The following DCAF1 variants were observed in gnomAD, a reference collection of about 807,000 sequenced individuals.
DCAF1 encodes the protein DDB1 and CUL4 associated factor 1.
In DCAF1, 15 loss-of-function variants were observed where a neutral mutation model predicts 128.0. The observed-to-expected ratio is 0.12, with a 90% confidence interval of 0.08 to 0.18. The LOEUF is 0.18. Ranked by LOEUF, DCAF1 falls within the 10% of genes least tolerant of loss-of-function variation. The probability of loss-of-function intolerance (pLI) is 1.00; values close to 1 mark genes in which losing one functional copy is unlikely to be tolerated. For synonymous variants in DCAF1, 610 were observed against 603.0 expected, an observed-to-expected ratio of 1.01 and a Z score of -0.17; for missense variants, 988 against 1,649.5, an observed-to-expected ratio of 0.60 and a Z score of 6.95.
the DCAF1 span, among the ~76,000 whole-genome samples, chr3:51,505,413 G>A: frequency 2.6e-5 from 4 of 152,186 alleles, no homozygotes; most frequent in East Asian, 1.9e-4. Context: ...TACCATGGGC[G>A]TATCCCTCTT....
intron 2 of DCAF1, among the ~76,000 whole-genome samples, chr3:51,494,180 T>C (rs552620614): frequency 4.1e-5 from 6 of 146,284 alleles, no homozygotes; most frequent in African/African-American, 1.5e-4. Flanking sequence ...AGTGGCAGGA[T>C]CTCGGCTCAC....
At chr3:51,475,440 T>C (rs1577270054) in intron 3 of DCAF1, among the ~76,000 whole-genome samples, 1 of 151,918 alleles carries the variant, frequency 6.6e-6, no homozygotes, top group Non-Finnish European at 1.5e-5. Context: ...CCCCCATCTC[T>C]ACTAAAAATT....
intron 6 of DCAF1, among the ~76,000 whole-genome samples, chr3:51,453,602 A>C (rs1195319562): frequency 6.6e-6 from 1 of 152,084 alleles, no homozygotes; most frequent in South Asian, 2.1e-4. Flanking sequence ...CTGTCTCGAA[A>C]GAAAAAAAAA....
At chr3:51,464,818 T>A (rs1322263270) in intron 5 of DCAF1, among the ~76,000 whole-genome samples, 1 of 151,716 alleles carries the variant, frequency 6.6e-6, no homozygotes, top group East Asian at 1.9e-4. Context: ...AGAGAAGAAG[T>A]GATTCCAAGC....
chr3:51,496,578 C>T (rs1708258409), intron 2 of DCAF1, among the ~76,000 whole-genome samples, 156 bp downstream of exon 2: 1 of 151,664 alleles, frequency 6.6e-6, no homozygotes, highest in Non-Finnish European at 1.5e-5. Flanking sequence ...AGACATTGAG[C>T]TAAGTAATTT....
rs1699220788 is a variant in DCAF1 at position 51,419,641 on chromosome 3, G to A, written c.3236+93C>T. ...GTATTACACAAAGTAACAATCAGTG[G>A]TATTTCAGGACAACTATGCTGATAC... On this transcript the variant is annotated intron_variant, in intron 15 of 24. Transcript: ENST00000684031. 2.0e-6 allele frequency: 3 copies of A among 1,506,036 alleles called. No individual in the cohort carries two copies. The African/African-American group carries it at 4.2e-5, about 21-fold the overall frequency. The allele number at this position is 1,506,036 out of a possible 1,614,324, so 93.3% of individuals were successfully genotyped here.
At chr3:51,465,486 G>A (rs909186285) in intron 5 of DCAF1, among the ~76,000 whole-genome samples, 7 of 152,160 alleles carry the variant, frequency 4.6e-5, no homozygotes, top group African/African-American at 9.7e-5. Flanking sequence ...GCTCATGCCC[G>A]TAAACCCAGT....
intron 6 of DCAF1, among the ~76,000 whole-genome samples, chr3:51,459,377 C>T (rs1212700080): frequency 1.3e-4 from 20 of 152,238 alleles, no homozygotes; most frequent in African/African-American, 4.8e-4. Context: ...AATCTCTGAA[C>T]AGACCAATAA....
At chr3:51,505,347 G>T in the DCAF1 span, among the ~76,000 whole-genome samples, 1 of 152,052 alleles carries the variant, frequency 6.6e-6, no homozygotes, top group African/African-American at 2.4e-5. Context: ...TGGCTTTGTT[G>T]AATGGAACAA....
Position 51,403,372 on chromosome 3 carries a change from T to C in DCAF1, c.4236A>G (p.Glu1412=). 6.4e-7 allele frequency: 1 copy of C among 1,552,652 alleles called. No homozygotes were observed. Among genetic ancestry groups the C allele is most frequent in the Non-Finnish European group, 8.7e-7 (1 of 1,147,370 alleles). ...EDQEEEEQEE[E]DDDEDDDDTD... is the part of the protein sequence containing the mutation. ...TGTCATCATCATCTTCATCATCATC[T>C]TCTTCCTCCTGTTCTTCCTCTTCCT... The change falls in exon 24 of 25, where the codon GAA becomes GAG. Residue 1412 remains glutamate, a synonymous_variant. Coordinates refer to ENST00000684031, the MANE Select transcript of DCAF1 (RefSeq NM_001387579.1).
chr3:51,490,329 G>A (rs1707483958), intron 2 of DCAF1, among the ~76,000 whole-genome samples: 1 of 152,088 alleles, frequency 6.6e-6, no homozygotes, highest in Non-Finnish European at 1.5e-5. Context: ...TACTCGGTAG[G>A]CTGAGGTGGG....
chr3:51,398,694 G>A lies in DCAF1; in HGVS notation c.*75C>T, dbSNP rs2089405720. On this transcript the variant is annotated 3_prime_UTR_variant, in exon 25 of 25. Transcript: ENST00000684031. ...AAGACAGACAGCCCTGGGAGAAAGA[G>A]AAGGGAATATGTTCTGAATTCATTT... 1.3e-6 allele frequency: 2 copies of A among 1,531,944 alleles called. No homozygotes were observed. Among genetic ancestry groups the A allele is most frequent in the Non-Finnish European group, 1.8e-6 (2 of 1,135,720 alleles). The allele number at this position is 1,531,944 out of a possible 1,614,324, so 94.9% of individuals were successfully genotyped here. A position where few individuals can be genotyped will look rare whatever the true frequency, so the allele number is the denominator to read the frequency against.
chr3:51,398,880 C>T, intron 24 of DCAF1, 53 bp from the exon 25 acceptor site: 1 of 1,551,318 alleles, frequency 6.4e-7, no homozygotes. Flanking sequence ...TTATAGGAAG[C>T]TTTCCTACAG....
intron 7 of DCAF1, among the ~76,000 whole-genome samples, chr3:51,442,230 T>C (rs1553639013): frequency 1.3e-5 from 2 of 152,206 alleles, no homozygotes; most frequent in Admixed American, 6.6e-5. Context: ...ATTTTTCTAA[T>C]GTGTCTTTGA....
At position 51,423,492 on chromosome 3, in the gene DCAF1, ACT is replaced by A. The variant is rs1242258049; in HGVS notation, c.1848-1063_1848-1062del. 8.9e-5 allele frequency among the ~76,000 whole-genome samples: 13 copies of A among 146,574 alleles called. 1 individual carries two copies. The highest frequency in any genetic ancestry group is 6.5e-4 in the South Asian group (3 of 4,630). On this transcript the variant is annotated intron_variant, in intron 13 of 24. Coordinates refer to ENST00000684031, the MANE Select transcript of DCAF1 (RefSeq NM_001387579.1). Reference sequence around the variant, plus strand: ...ACTCCAGCTCGGGCCACAGAGAGAGACTCTGTCTCCACAAAAAAAAAAAAAGA... The same window carrying A: ...ACTCCAGCTCGGGCCACAGAGAGAGACTGTCTCCACAAAAAAAAAAAAAGA...
intron 18 of DCAF1, 47 bp from the exon 19 acceptor site, chr3:51,414,904 C>T (rs1199561862): frequency 1.3e-5 from 21 of 1,575,298 alleles, no homozygotes; most frequent in Non-Finnish European, 1.8e-5. Flanking sequence ...CCAATCCATC[C>T]ACTGACAAAT....
In DCAF1 at chr3:51,429,331, A is replaced by G. The variant is rs782804257; in HGVS notation, c.1607T>C (p.Leu536Ser). 5.1e-6 allele frequency: 4 copies of G among 780,730 alleles called. No individual in the cohort carries two copies. Among genetic ancestry groups the G allele is most frequent in the African/African-American group, 5.1e-5 (3 of 59,132 alleles). 48.4% of individuals were successfully genotyped at this position (780,730 alleles called of 1,614,324 possible). Residue 536 changes from leucine (L) to serine (S), a missense_variant, in exon 12 of 25, where the codon TTG becomes TCG. Leu to Ser is a moderately radical substitution (Grantham distance 145). This residue lies in a region of DCAF1 where 185 missense variants were observed against 248.1 expected (regional missense o/e 0.75). Coordinates refer to ENST00000684031, the MANE Select transcript of DCAF1 (RefSeq NM_001387579.1). ...CTGAAGTGACTGCTTCACTTGTTCC[A>G]ATTTAATGGCCAGGTGAGCCTCAAA... Reference protein sequence around the residue: ...KYFEAHLAIKLEQVKQSLQRT... With the variant: ...KYFEAHLAIKSEQVKQSLQRT...
intron 22 of DCAF1, among the ~76,000 whole-genome samples, chr3:51,412,702 A>G (rs1207317861): frequency 6.6e-6 from 1 of 152,212 alleles, no homozygotes; most frequent in Non-Finnish European, 1.5e-5. Flanking sequence ...CTTGGAACAA[A>G]CCAGTCTTGC....
chr3:51,440,353 T>C (rs181259369), intron 9 of DCAF1, among the ~76,000 whole-genome samples: 8 of 152,226 alleles, frequency 5.3e-5, no homozygotes, highest in Non-Finnish European at 1.2e-4. Context: ...GGCTCATACC[T>C]ATAATCCTAG....
Sources: allele counts gnomAD v4.1 joint callset (sites outside exome capture counted in the v4.1 genomes callset), GRCh38; gene constraint gnomAD v4.1.1; regional missense constraint gnomAD v4.1.1; transcripts MANE v1.5; gene names NCBI Gene and HGNC (gene_info 2026-07-23, HGNC 2026-07-21).